MIR2052HG: variants seen among roughly 807,000 people sequenced by gnomAD.
MIR2052HG encodes MIR2052 host gene.
chr8:74,614,047 G>A (rs1348404259), intron 2 of MIR2052HG, among the ~76,000 whole-genome samples: 2 of 152,136 alleles, frequency 1.3e-5, no homozygotes, highest in Non-Finnish European at 2.9e-5. Context: ...CTTCCTCAAA[G>A]TAACATAGAG....
At chr8:74,710,676 G>A (rs573609533) in intron 4 of MIR2052HG, among the ~76,000 whole-genome samples, 3 of 152,210 alleles carry the variant, frequency 2.0e-5, no homozygotes, top group African/African-American at 7.2e-5. Flanking sequence ...TTACATAGTG[G>A]AGACTATCCT....
chr8:74,688,560 C>T (rs1809207191), intron 2 of MIR2052HG, among the ~76,000 whole-genome samples: 1 of 152,176 alleles, frequency 6.6e-6, no homozygotes, highest in Non-Finnish European at 1.5e-5. Context: ...TCTTCTTTAA[C>T]TTATTAGATG....
intron 2 of MIR2052HG, among the ~76,000 whole-genome samples, chr8:74,636,151 C>T (rs913995143): frequency 7.2e-5 from 11 of 152,016 alleles, no homozygotes; most frequent in Admixed American, 2.6e-4. Context: ...CCTCAGTGTC[C>T]GAAAATAATT....
At chr8:74,603,970 G>C in intron 1 of MIR2052HG, 4 of 955,224 alleles carry the variant, frequency 4.2e-6, no homozygotes, top group Non-Finnish European at 6.9e-6. Flanking sequence ...TCTAGTGGCA[G>C]CTGTGCTACT....
chr8:74,734,059 G>A (rs1380263328), intron 4 of MIR2052HG, among the ~76,000 whole-genome samples: 1 of 152,184 alleles, frequency 6.6e-6, no homozygotes, highest in Non-Finnish European at 1.5e-5. Context: ...CCTACAAAAT[G>A]GGAGAAAATT....
rs1454133836 is a variant in MIR2052HG, at chr8:74,611,797, C to T, written n.129-1056C>T. 6.6e-5 allele frequency among the ~76,000 whole-genome samples: 10 copies of T among 152,300 alleles called. No individual in the cohort carries two copies. The East Asian group carries it at 1.2e-3, about 18-fold the overall frequency. ...AAATCCATCCATTCATCCATCCATACACCACCTATCATGATTGATAGGATG... is the reference window on the plus strand; with the variant it reads ...AAATCCATCCATTCATCCATCCATATACCACCTATCATGATTGATAGGATG... On this transcript the variant is annotated intron_variant and non_coding_transcript_variant, in intron 1 of 6. Coordinates refer to ENST00000523442, the Ensembl canonical transcript of MIR2052HG.
intron 1 of MIR2052HG, chr8:74,603,605 A>G: frequency 1.9e-6 from 3 of 1,538,986 alleles, no homozygotes; most frequent in South Asian, 1.1e-5. Flanking sequence ...TGCATTGCCA[A>G]CTGGTGCAGC....
intron 1 of MIR2052HG, among the ~76,000 whole-genome samples, chr8:74,604,749 A>G (rs1808087349): frequency 6.6e-6 from 1 of 151,460 alleles, no homozygotes; most frequent in Middle Eastern, 3.4e-3. Context: ...ATGTGCCACC[A>G]TGCCTGGCTA....
chr8:74,695,644 G>T (rs1031573514), intron 2 of MIR2052HG, among the ~76,000 whole-genome samples: 2 of 151,818 alleles, frequency 1.3e-5, no homozygotes, highest in Non-Finnish European at 2.9e-5. Context: ...GACACCAAAA[G>T]TGAGCAGGAG....
In MIR2052HG at chr8:74,603,477, G is replaced by A. The variant is rs1586884283; in HGVS notation, n.128+3569G>A. 6.9e-6 allele frequency: 11 copies of A among 1,596,576 alleles called. 1 individual carries two copies. The highest frequency in any genetic ancestry group is 3.3e-5 in the Admixed American group (2 of 59,984). On this transcript the variant is annotated intron_variant and non_coding_transcript_variant, in intron 1 of 6. Coordinates refer to ENST00000523442, the Ensembl canonical transcript of MIR2052HG. ...CATTTATTTTGGCGCCTTGACGCCC[G>A]ATTATGCAGCCAATCAAATCGTTTG...
intron 4 of MIR2052HG, among the ~76,000 whole-genome samples, chr8:74,712,786 G>A (rs1355823309): frequency 1.3e-5 from 2 of 151,402 alleles, no homozygotes; most frequent in Non-Finnish European, 2.9e-5. Context: ...TATTGATTGA[G>A]ATAATGTTCT....
At chr8:74,678,911 A>G (rs1382765455) in intron 2 of MIR2052HG, among the ~76,000 whole-genome samples, 1 of 152,198 alleles carries the variant, frequency 6.6e-6, no homozygotes, top group Non-Finnish European at 1.5e-5. Context: ...TTAAAACAAT[A>G]ATAATTATAT....
chr8:74,706,842 G>T lies in MIR2052HG; in HGVS notation n.371+3160G>T, dbSNP rs552332743. Among the ~76,000 whole-genome samples the T allele has an allele frequency of 4.6e-5, 7 of 152,122 alleles. No homozygotes were observed. In the East Asian group the frequency reaches 9.7e-4, roughly 21 times the overall value. ...ATTTTTTTTCACAAGCTTCTTGGCG[G>T]GGAAGGGCATATTCTGCTTCTAGGC... On this transcript the variant is annotated intron_variant and non_coding_transcript_variant, in intron 4 of 6. Coordinates refer to ENST00000523442, the Ensembl canonical transcript of MIR2052HG.
intron 2 of MIR2052HG, among the ~76,000 whole-genome samples, chr8:74,700,499 A>G (rs527990289): frequency 1.6e-3 from 243 of 152,316 alleles, no homozygotes; most frequent in African/African-American, 5.6e-3. Context: ...AATACTAGCT[A>G]TATCAAATGA....
intron 4 of MIR2052HG, among the ~76,000 whole-genome samples, chr8:74,728,918 G>A (rs988252563): frequency 1.4e-4 from 21 of 151,972 alleles, no homozygotes; most frequent in Admixed American, 7.9e-4. Flanking sequence ...TTACTATATA[G>A]CATTGCCTTT....
At position 74,621,943 on chromosome 8, in the gene MIR2052HG, A is replaced by C. The variant is rs1296831258; in HGVS notation, n.216+9003A>C. Reference sequence around the variant, plus strand: ...CAAATGTAAGGCCTGTAACTATACAATTACTAAAAGAAATCATAGGTTAAA... The same window carrying C: ...CAAATGTAAGGCCTGTAACTATACACTTACTAAAAGAAATCATAGGTTAAA... On this transcript the variant is annotated intron_variant and non_coding_transcript_variant, in intron 2 of 6. Coordinates refer to ENST00000523442, the Ensembl canonical transcript of MIR2052HG. Among the ~76,000 whole-genome samples the C allele has an allele frequency of 2.6e-5, 4 of 152,326 alleles. No individual in the cohort carries two copies. In the East Asian group the frequency reaches 5.8e-4, roughly 22 times the overall value.
intron 4 of MIR2052HG, among the ~76,000 whole-genome samples, chr8:74,729,019 C>T (rs537824582): frequency 6.6e-6 from 1 of 152,238 alleles, no homozygotes; most frequent in Admixed American, 6.5e-5. Context: ...GTCTGTAAAA[C>T]ATTCAAGGGA....
intron 5 of MIR2052HG, among the ~76,000 whole-genome samples, chr8:74,753,233 G>T (rs1010978850): frequency 2.0e-5 from 3 of 152,178 alleles, no homozygotes; most frequent in Non-Finnish European, 2.9e-5. Context: ...TTAAGTCTTC[G>T]TTACACCAAT....
chr8:74,619,800 C>G (rs1808336576), intron 2 of MIR2052HG, among the ~76,000 whole-genome samples: 1 of 152,156 alleles, frequency 6.6e-6, no homozygotes, highest in African/African-American at 2.4e-5. Flanking sequence ...TTAACTATAT[C>G]TTTTTGCTCT....
Sources: allele counts gnomAD v4.1 joint callset (sites outside exome capture counted in the v4.1 genomes callset), GRCh38; gene constraint gnomAD v4.1.1; transcripts MANE v1.5; gene names NCBI Gene and HGNC (gene_info 2026-07-23, HGNC 2026-07-21).